The following GRID1 variants were observed in gnomAD, a reference collection of about 807,000 sequenced individuals.
GRID1 encodes the protein glutamate receptor ionotropic, delta-1.
In GRID1, 28 loss-of-function variants were observed where a neutral mutation model predicts 98.0. The ratio of observed to expected loss-of-function variants is 0.29; its 90% confidence interval spans 0.21 to 0.39. The LOEUF is 0.39. Among genes scored for constraint, GRID1 ranks in the 10% least tolerant of loss-of-function variants. GRID1 has a pLI of 1.00. For missense variants in GRID1, 1,111 were observed against 1,340.5 expected, an observed-to-expected ratio of 0.83 and a Z score of 2.67; for synonymous variants, 553 against 538.5, an observed-to-expected ratio of 1.03 and a Z score of -0.37.
At chr10:85,654,704 G>A (rs1191646912) in intron 12 of GRID1, among the ~76,000 whole-genome samples, 4 of 152,170 alleles carry the variant, frequency 2.6e-5, no homozygotes, top group African/African-American at 9.7e-5. Context: ...ACAAACATGT[G>A]AGACTAATTC....
At chr10:86,061,267 C>G (rs535571021) in intron 4 of GRID1, among the ~76,000 whole-genome samples, 3 of 152,190 alleles carry the variant, frequency 2.0e-5, no homozygotes, top group Non-Finnish European at 4.4e-5. Flanking sequence ...AATAACAACT[C>G]CCAGCTCCCA....
chr10:86,272,961 T>G (rs1005256668), intron 2 of GRID1, among the ~76,000 whole-genome samples: 1 of 152,206 alleles, frequency 6.6e-6, no homozygotes, highest in Non-Finnish European at 1.5e-5. Context: ...GTGCACAATG[T>G]GCAGGTTAGC....
intron 2 of GRID1, among the ~76,000 whole-genome samples, chr10:86,280,245 A>G (rs1847337756): frequency 6.6e-6 from 1 of 152,226 alleles, no homozygotes; most frequent in South Asian, 2.1e-4. Context: ...ACTCAATTGT[A>G]TATTACAAAT....
rs1390214909 is a variant in GRID1, at chr10:86,087,496, GTGTGTGTGTGTGTC to G, written c.726+51309_726+51322del. 2.2e-4 allele frequency among the ~76,000 whole-genome samples: 29 copies of G among 132,588 alleles called. No individual in the cohort carries two copies. In the East Asian group the frequency reaches 5.2e-3, roughly 24 times the overall value. 87.0% of individuals were successfully genotyped at this position (132,588 alleles called of 152,430 possible). ...CCTGTGTCTCTACAAGAAGATCCAA[GTGTGTGTGTGTGTC>G]TGTGTGTGTGTGTGTGTGTGTGTGT... On this transcript the variant is annotated intron_variant, in intron 4 of 15. Coordinates refer to ENST00000327946, the MANE Select transcript of GRID1 (RefSeq NM_017551.3).
intron 2 of GRID1, among the ~76,000 whole-genome samples, chr10:86,267,849 C>A (rs1055394094): frequency 3.3e-5 from 5 of 152,200 alleles, no homozygotes; most frequent in African/African-American, 1.2e-4. Context: ...CATCCCTGAA[C>A]CTTTTCACAC....
intron 6 of GRID1, among the ~76,000 whole-genome samples, chr10:85,861,997 A>G (rs1183066619): frequency 6.7e-6 from 1 of 148,868 alleles, no homozygotes. Context: ...TCTCAGATAC[A>G]CGTCTTCCAC....
At chr10:85,732,146 G>A (rs1413691579) in intron 8 of GRID1, among the ~76,000 whole-genome samples, 1 of 152,122 alleles carries the variant, frequency 6.6e-6, no homozygotes, top group Non-Finnish European at 1.5e-5. Context: ...TATTTGGGGT[G>A]CCTGCATCTG....
chr10:86,242,440 C>G (rs1846652971), intron 2 of GRID1, among the ~76,000 whole-genome samples: 1 of 152,204 alleles, frequency 6.6e-6, no homozygotes, highest in South Asian at 2.1e-4. Context: ...CCCAGGACAT[C>G]CAAGAAAGGA....
rs73334765 is a variant in GRID1 at position 85,841,366 on chromosome 10, C to A, written c.1233+13130G>T. On this transcript the variant is annotated intron_variant, in intron 8 of 15. Transcript: ENST00000327946. ...GATTAAAAATTTATATGTAAAGCCCCAAACTACAAAAACTCTCTAAGACAA... is the reference window on the plus strand; with the variant it reads ...GATTAAAAATTTATATGTAAAGCCCAAAACTACAAAAACTCTCTAAGACAA... Among the ~76,000 whole-genome samples the A allele has an allele frequency of 5.7e-3, 873 of 151,974 alleles. 8 individuals are homozygous for A. The highest frequency in any genetic ancestry group is 0.02 in the African/African-American group (820 of 41,516).
intron 2 of GRID1, among the ~76,000 whole-genome samples, chr10:86,347,964 CACCTTCCCCATGGTCCCAGTGGGG>C (rs1367197468): frequency 6.6e-6 from 1 of 152,130 alleles, no homozygotes; most frequent in East Asian, 1.9e-4. Flanking sequence ...GAGGCCCGGC[CACCTTCCCCATGGTCCCAGTGGGG>C]ACCTCCCAGC....
At chr10:85,784,193 A>T (rs1842405670) in intron 8 of GRID1, among the ~76,000 whole-genome samples, 1 of 152,222 alleles carries the variant, frequency 6.6e-6, no homozygotes, top group African/African-American at 2.4e-5. Flanking sequence ...TCTAAACAGG[A>T]ATCATCTAGC....
chr10:85,815,340 G>T (rs145255110), intron 8 of GRID1, among the ~76,000 whole-genome samples: 2 of 152,046 alleles, frequency 1.3e-5, no homozygotes, highest in African/African-American at 2.4e-5. Context: ...GAACGAGGAA[G>T]GAATGCCTTA....
chr10:86,105,403 G>C (rs1207947955), intron 4 of GRID1, among the ~76,000 whole-genome samples: 1 of 152,190 alleles, frequency 6.6e-6, no homozygotes, highest in East Asian at 1.9e-4. Flanking sequence ...AGCATGGTCT[G>C]TCTGTTACAG....
In GRID1 at chr10:86,365,779, A is replaced by G. The variant is rs1489934213; in HGVS notation, c.79+535T>C. 6.6e-6 allele frequency among the ~76,000 whole-genome samples: 1 copy of G among 151,992 alleles called. No individual in the cohort carries two copies. Among genetic ancestry groups the G allele is most frequent in the Non-Finnish European group, 1.5e-5 (1 of 67,986 alleles). On this transcript the variant is annotated intron_variant, in intron 1 of 15. Transcript: ENST00000327946. The surrounding 1 kb of genome is among the most constrained non-coding windows in gnomAD (Gnocchi z 4.8). Reference sequence around the variant, plus strand: ...GACAGACAGTCGTGCACGCACCAACACACGCTCAGATGGCCCCACACACCC... The same window carrying G: ...GACAGACAGTCGTGCACGCACCAACGCACGCTCAGATGGCCCCACACACCC...
intron 3 of GRID1, among the ~76,000 whole-genome samples, chr10:86,180,454 C>T (rs1845639307): frequency 6.6e-6 from 1 of 152,150 alleles, no homozygotes; most frequent in African/African-American, 2.4e-5. Flanking sequence ...CACGTCCTAA[C>T]CATAATTAAA....
At position 86,364,012 on chromosome 10, in the gene GRID1, A is replaced by C. The variant is rs1322629096; in HGVS notation, c.164T>G (p.Leu55Arg). The C allele has an allele frequency of 6.2e-7, 1 of 1,613,830 alleles. No individual in the cohort carries two copies. The highest frequency in any genetic ancestry group is 8.5e-7 in the Non-Finnish European group (1 of 1,179,790). Residue 55 changes from leucine to arginine, a missense_variant, in exon 2 of 16, where the codon CTG (leucine) becomes CGG (arginine). Transcript: ENST00000327946. ...GGAGTAGGTGATCTTCTCGCTCTGC[A>C]GGATGTCATCGTTGAGGCTCAGGTC... is the stretch of plus-strand genomic sequence containing the variant. ...VSDLSLNDDI[L>R]QSEKITYSIK...
chr10:86,031,979 G>T (rs1843191666), intron 4 of GRID1, among the ~76,000 whole-genome samples: 2 of 152,090 alleles, frequency 1.3e-5, no homozygotes, highest in South Asian at 4.2e-4. Context: ...CATGTCAGAG[G>T]GGCCTTCTCT....
At chr10:86,168,040 G>A (rs755821440) in intron 3 of GRID1, among the ~76,000 whole-genome samples, 4 of 152,210 alleles carry the variant, frequency 2.6e-5, no homozygotes, top group Admixed American at 6.5e-5. Context: ...TGTTAGGCAG[G>A]CTGCTTGATG....
intron 8 of GRID1, among the ~76,000 whole-genome samples, chr10:85,813,205 T>C (rs545165941): frequency 6.6e-6 from 1 of 151,394 alleles, no homozygotes; most frequent in African/African-American, 2.4e-5. Flanking sequence ...CCAAATTTGA[T>C]AAAATATATA....
Sources: allele counts gnomAD v4.1 joint callset (sites outside exome capture counted in the v4.1 genomes callset), GRCh38; gene constraint gnomAD v4.1.1; non-coding constraint Gnocchi (gnomAD v3.1); transcripts MANE v1.5; gene names NCBI Gene and HGNC (gene_info 2026-07-23, HGNC 2026-07-21).